Variants in ZFHX3 observed in about 807,000 individuals in gnomAD.
ZFHX3 encodes the protein zinc finger homeobox 3, also known as zinc finger homeobox protein 3.
Under a neutral mutation model 279.1 loss-of-function variants are expected in ZFHX3, and 42 were observed. That is an observed-to-expected ratio of 0.15 (90% CI 0.12 to 0.19). The LOEUF (loss-of-function observed/expected upper bound fraction) is 0.19, where lower values mean the gene tolerates loss of function less well. Among genes scored for constraint, ZFHX3 ranks in the 10% least tolerant of loss-of-function variants. The pLI, the probability that ZFHX3 is intolerant of heterozygous loss-of-function variation, is 1.00. For synonymous variants in ZFHX3, 2,293 were observed against 1,957.8 expected (o/e 1.17, Z -4.52); for missense variants, 4,981 against 4,754.0 (o/e 1.05, Z -1.40).
At position 73,338,708 on chromosome 16, in the gene ZFHX3, C is replaced by A. The variant is rs554380062; in HGVS notation, c.-1290-20372G>T. Among the ~76,000 whole-genome samples the A allele has an allele frequency of 1.1e-3, 164 of 152,272 alleles. 1 individual carries two copies. Among genetic ancestry groups the A allele is most frequent in the African/African-American group, 3.8e-3 (157 of 41,544 alleles). On this transcript the variant is annotated intron_variant, in intron 3 of 17. Coordinates refer to the ZFHX3 transcript ENST00000641206. ...GATTTTGCTTAAGCCATTTTAAATG[C>A]CAGATTATCTTTCTGGGTGATATAG...
At chr16:73,160,108 T>C (rs895090605) in intron 5 of ZFHX3, among the ~76,000 whole-genome samples, 7 of 152,164 alleles carry the variant, frequency 4.6e-5, no homozygotes, top group African/African-American at 1.7e-4. Flanking sequence ...TAAGGCATTG[T>C]TTGGATATGT....
intron 3 of ZFHX3, among the ~76,000 whole-genome samples, chr16:73,362,452 C>T (rs1006053060): frequency 2.0e-5 from 3 of 152,186 alleles, no homozygotes; most frequent in African/African-American, 4.8e-5. Context: ...CACCAGCTCA[C>T]GGGGGATGGT....
intron 7 of ZFHX3, among the ~76,000 whole-genome samples, chr16:73,117,471 G>T (rs572403302): frequency 6.6e-6 from 1 of 152,302 alleles, no homozygotes; most frequent in Non-Finnish European, 1.5e-5. Context: ...AAATTTCCAG[G>T]TTGAAAACAC....
chr16:73,719,842 A>C (rs1297176603), intron 1 of ZFHX3, among the ~76,000 whole-genome samples: 1 of 150,386 alleles, frequency 6.6e-6, no homozygotes, highest in Non-Finnish European at 1.5e-5. Flanking sequence ...CGTGTTGGTC[A>C]GGCTGGTCTC....
At chr16:73,542,653 G>A (rs534924808) in intron 2 of ZFHX3, among the ~76,000 whole-genome samples, 48 of 152,078 alleles carry the variant, frequency 3.2e-4, no homozygotes, top group African/African-American at 1.1e-3. Context: ...AATCTGCATG[G>A]GGTTGCCAGA....
chr16:73,581,546 A>AT (rs2051860633), intron 2 of ZFHX3, among the ~76,000 whole-genome samples: 1 of 150,196 alleles, frequency 6.7e-6, no homozygotes, highest in South Asian at 2.1e-4. Flanking sequence ...TACCGCAGTG[A>AT]TTTTTTGAAG....
chr16:73,728,759 G>A (rs2053543470), intron 1 of ZFHX3, among the ~76,000 whole-genome samples: 1 of 151,500 alleles, frequency 6.6e-6, no homozygotes, highest in Non-Finnish European at 1.5e-5. Flanking sequence ...TTGTAGTGGT[G>A]ACACTGCCCT....
At chr16:73,781,943 T>C (rs1462842320) in intron 1 of ZFHX3, among the ~76,000 whole-genome samples, 1 of 152,118 alleles carries the variant, frequency 6.6e-6, no homozygotes, top group African/African-American at 2.4e-5. Flanking sequence ...GCTGAGATCG[T>C]GCCACTGCAC....
chr16:73,537,315 T>C (rs1293987178), intron 2 of ZFHX3, among the ~76,000 whole-genome samples: 2 of 9,800 alleles, frequency 2.0e-4, no homozygotes, highest in South Asian at 0.015. Flanking sequence ...TTTCTTCTTC[T>C]TTTTTTTTTT....
intron 7 of ZFHX3, among the ~76,000 whole-genome samples, chr16:73,106,082 T>C (rs1466495062): frequency 6.6e-6 from 1 of 151,994 alleles, no homozygotes; most frequent in Admixed American, 6.6e-5. Context: ...CTCCTCCCTA[T>C]GACCTGTTAG....
At chr16:73,742,476 G>T (rs1189632746) in intron 1 of ZFHX3, among the ~76,000 whole-genome samples, 3 of 152,160 alleles carry the variant, frequency 2.0e-5, no homozygotes, top group Non-Finnish European at 4.4e-5. Context: ...AACTGGATGG[G>T]TGCTGGTCTT....
chr16:72,957,838 C>G lies in ZFHX3; in HGVS notation c.2308G>C (p.Ala770Pro). 6.2e-7 allele frequency: 1 copy of G among 1,613,076 alleles called. No homozygotes were observed. The highest frequency in any genetic ancestry group is 8.5e-7 in the Non-Finnish European group (1 of 1,179,550). Residue 770 changes from alanine to proline, a missense_variant, in exon 2 of 10, where the codon GCC (alanine) becomes CCC (proline). Physicochemically the swap from Ala to Pro is conservative, Grantham distance 27 (BLOSUM62 -1). Coordinates refer to ENST00000268489, the MANE Select transcript of ZFHX3 (RefSeq NM_006885.4). ...GGGEQVFSHT[A>P]GAAAAAVAAA... ...GCCACCGCCGCCGCCGCCGCCCCGGCAGTGTGGCTGAAGACCTGCTCCCCC... is the reference window on the plus strand; with the variant it reads ...GCCACCGCCGCCGCCGCCGCCCCGGGAGTGTGGCTGAAGACCTGCTCCCCC...
intron 1 of ZFHX3, among the ~76,000 whole-genome samples, chr16:73,847,326 C>T (rs889472704): frequency 1.3e-5 from 2 of 152,098 alleles, no homozygotes; most frequent in Non-Finnish European, 2.9e-5. Context: ...TTAAGGATGA[C>T]ACTGCTTCCT....
chr16:73,617,894 G>C (rs1162943641), intron 2 of ZFHX3, among the ~76,000 whole-genome samples: 1 of 152,166 alleles, frequency 6.6e-6, no homozygotes, highest in Non-Finnish European at 1.5e-5. Flanking sequence ...TCCCCCTTGA[G>C]TGTCTTAAAT....
intron 1 of ZFHX3, among the ~76,000 whole-genome samples, chr16:73,030,051 A>C (rs1292024048): frequency 6.6e-6 from 1 of 152,178 alleles, no homozygotes; most frequent in African/African-American, 2.4e-5. Context: ...CCAACATCTA[A>C]TCCAAACACC....
intron 4 of ZFHX3, among the ~76,000 whole-genome samples, chr16:73,303,804 C>A (rs1180006243): frequency 6.6e-6 from 1 of 151,786 alleles, no homozygotes; most frequent in East Asian, 1.9e-4. Context: ...CTTAACCAAG[C>A]CACCAACAGG....
At chr16:73,074,007 G>A (rs1450444158) in intron 8 of ZFHX3, among the ~76,000 whole-genome samples, 1 of 152,212 alleles carries the variant, frequency 6.6e-6, no homozygotes, top group African/African-American at 2.4e-5. Flanking sequence ...CCAGCTGTGG[G>A]TTTGAGATGC....
intron 2 of ZFHX3, among the ~76,000 whole-genome samples, chr16:73,588,430 T>C (rs1218635536): frequency 1.3e-5 from 2 of 151,960 alleles, no homozygotes; most frequent in African/African-American, 2.4e-5. Context: ...CTCACGCCTG[T>C]AGTCCCAGCA....
rs949549887 is a variant in ZFHX3 at position 72,796,408 on chromosome 16, T to A, written c.6274A>T (p.Met2092Leu). 12 of 1,612,252 alleles carry A rather than the reference T, an allele frequency of 7.4e-6. No individual in the cohort carries two copies. Among genetic ancestry groups the A allele is most frequent in the Middle Eastern group, 1.6e-4 (1 of 6,084 alleles). ...SVPLTQLSMPMELPIFSPLMM... is the reference protein window; with the variant it reads ...SVPLTQLSMPLELPIFSPLMM... ...AGCGGCGAGAAGATGGGCAGCTCCATCGGCATGGAGAGCTGGGTGAGCGGC... is the reference window on the plus strand; with the variant it reads ...AGCGGCGAGAAGATGGGCAGCTCCAACGGCATGGAGAGCTGGGTGAGCGGC... Residue 2092 changes from methionine (M) to leucine (L), a missense_variant, in exon 9 of 10, where the codon ATG becomes TTG. Met to Leu is a conservative substitution (Grantham distance 15). Coordinates refer to ENST00000268489, the MANE Select transcript of ZFHX3 (RefSeq NM_006885.4).
Sources: allele counts gnomAD v4.1 joint callset (sites outside exome capture counted in the v4.1 genomes callset), GRCh38; gene constraint gnomAD v4.1.1; transcripts MANE v1.5; gene names NCBI Gene and HGNC (gene_info 2026-07-23, HGNC 2026-07-21).